The following EFNA5 variants were observed in gnomAD, a reference collection of about 807,000 sequenced individuals.
The protein encoded by EFNA5 is ephrin-A5.
A neutral mutation model predicts 22.9 loss-of-function variants in EFNA5; 5 were observed. The observed-to-expected ratio is 0.22, with a 90% confidence interval of 0.11 to 0.46. EFNA5 has a LOEUF of 0.46. Ranked by LOEUF, EFNA5 falls within the 20% of genes least tolerant of loss-of-function variation. The probability of loss-of-function intolerance (pLI) is 0.99; values close to 1 mark genes in which losing one functional copy is unlikely to be tolerated. For missense variants in EFNA5, 237 were observed against 293.3 expected, an observed-to-expected ratio of 0.81 and a Z score of 1.40; for synonymous variants, 113 against 112.2, an observed-to-expected ratio of 1.01 and a Z score of -0.04.
chr5:107,406,515 A>G (rs779779101), intron 2 of EFNA5, among the ~76,000 whole-genome samples: 14 of 152,046 alleles, frequency 9.2e-5, no homozygotes, highest in Admixed American at 5.2e-4. Flanking sequence ...TCCAATGTTA[A>G]CTATTAGAAA....
At chr5:107,622,127 T>C (rs1291390336) in intron 1 of EFNA5, among the ~76,000 whole-genome samples, 9 of 152,192 alleles carry the variant, frequency 5.9e-5, no homozygotes, top group South Asian at 2.1e-4. Context: ...AGTCTAAATA[T>C]GGGACCTACT....
At chr5:107,616,857 T>C (rs1028014300) in intron 1 of EFNA5, among the ~76,000 whole-genome samples, 1 of 152,172 alleles carries the variant, frequency 6.6e-6, no homozygotes, top group African/African-American at 2.4e-5. Context: ...CAAATATTAA[T>C]TTGAATGAGT....
chr5:107,475,169 T>C (rs1435496732), intron 1 of EFNA5, among the ~76,000 whole-genome samples: 2 of 152,234 alleles, frequency 1.3e-5, no homozygotes, highest in Non-Finnish European at 2.9e-5. Context: ...GCACAGTGAA[T>C]AAACAATCCT....
At chr5:107,640,651 A>C (rs893820748) in intron 1 of EFNA5, among the ~76,000 whole-genome samples, 3 of 152,238 alleles carry the variant, frequency 2.0e-5, no homozygotes, top group African/African-American at 7.2e-5. Flanking sequence ...TCACCAGAGG[A>C]ATACATGGAG....
rs570571381 is a variant in EFNA5, at chr5:107,510,151, G to A, written c.126-82642C>T. Among the ~76,000 whole-genome samples the A allele has an allele frequency of 1.5e-4, 23 of 152,274 alleles. 1 individual carries two copies. Among genetic ancestry groups the A allele is most frequent in the Middle Eastern group, 3.4e-3 (1 of 294 alleles). On this transcript the variant is annotated intron_variant, in intron 1 of 4. Coordinates refer to ENST00000333274, the MANE Select transcript of EFNA5 (RefSeq NM_001962.3). ...GGTAAAGAAGCCAACCAAAATCCAC[G>A]AAAACCAAGATGGCCATGAATGTAA...
intron 1 of EFNA5, among the ~76,000 whole-genome samples, chr5:107,521,439 T>C (rs1269885248): frequency 1.3e-5 from 2 of 149,204 alleles, no homozygotes; most frequent in African/African-American, 5.0e-5. Context: ...ACCACAGGCA[T>C]GTGCCACCAC....
At chr5:107,527,023 A>G (rs2112448355) in intron 1 of EFNA5, among the ~76,000 whole-genome samples, 1 of 152,302 alleles carries the variant, frequency 6.6e-6, no homozygotes, top group South Asian at 2.1e-4. Flanking sequence ...CCAGATTTTT[A>G]CTTTATTTTC....
intron 1 of EFNA5, among the ~76,000 whole-genome samples, chr5:107,564,309 A>G (rs543133668): frequency 3.3e-5 from 5 of 152,120 alleles, no homozygotes; most frequent in Non-Finnish European, 5.9e-5. Context: ...TCCATTCTGC[A>G]TTTTCAAAAT....
At chr5:107,568,222 C>A (rs146322641) in intron 1 of EFNA5, among the ~76,000 whole-genome samples, 1 of 152,290 alleles carries the variant, frequency 6.6e-6, no homozygotes, top group East Asian at 1.9e-4. Flanking sequence ...TACAAACACA[C>A]ATATACCCCT....
At chr5:107,392,482 A>C (rs2088127174) in intron 2 of EFNA5, among the ~76,000 whole-genome samples, 1 of 152,170 alleles carries the variant, frequency 6.6e-6, no homozygotes, top group African/African-American at 2.4e-5. Flanking sequence ...ACCCACAAAG[A>C]ACTGAATTGG....
At chr5:107,652,431 T>C (rs983944419) in intron 1 of EFNA5, among the ~76,000 whole-genome samples, 1 of 152,226 alleles carries the variant, frequency 6.6e-6, no homozygotes, top group Admixed American at 6.5e-5. Context: ...TAGCATTTCA[T>C]GCTTTATTGT....
chr5:107,624,395 T>C (rs1374688368), intron 1 of EFNA5, among the ~76,000 whole-genome samples: 1 of 152,192 alleles, frequency 6.6e-6, no homozygotes, highest in Non-Finnish European at 1.5e-5. Context: ...AAGTTTTAAC[T>C]ATCAGTGCAT....
chr5:107,625,626 C>T (rs1750126288), intron 1 of EFNA5, among the ~76,000 whole-genome samples: 1 of 152,158 alleles, frequency 6.6e-6, no homozygotes, highest in African/African-American at 2.4e-5. Context: ...GTTTAGCAAT[C>T]ATCTAAAATT....
chr5:107,608,988 G>A (rs1300579654), intron 1 of EFNA5, among the ~76,000 whole-genome samples: 1 of 152,106 alleles, frequency 6.6e-6, no homozygotes, highest in African/African-American at 2.4e-5. Context: ...AAAACTTCCT[G>A]GTTGCTCTCT....
intron 1 of EFNA5, among the ~76,000 whole-genome samples, chr5:107,501,223 A>C (rs1414357323): frequency 1.3e-5 from 2 of 152,182 alleles, no homozygotes; most frequent in African/African-American, 4.8e-5. Context: ...ATAGATATTG[A>C]CTCAACTATA....
chr5:107,636,212 C>A (rs921496260), intron 1 of EFNA5, among the ~76,000 whole-genome samples: 1 of 152,144 alleles, frequency 6.6e-6, no homozygotes, highest in South Asian at 2.1e-4. Flanking sequence ...CTAAGACTCT[C>A]CTCAAGAGGT....
intron 1 of EFNA5, among the ~76,000 whole-genome samples, chr5:107,656,628 T>C (rs1750830732): frequency 6.6e-6 from 1 of 151,988 alleles, no homozygotes; most frequent in African/African-American, 2.4e-5. Flanking sequence ...AATCTCTATT[T>C]CCCCCCCAAT....
In EFNA5 at chr5:107,492,867, C is replaced by T. The variant is rs563304111; in HGVS notation, c.126-65358G>A. ...TACAAAAATTAGCAGAGTGTGGTGGCGGGCACCTGTAATCCCAACTATTCA... is the reference window on the plus strand; with the variant it reads ...TACAAAAATTAGCAGAGTGTGGTGGTGGGCACCTGTAATCCCAACTATTCA... On this transcript the variant is annotated intron_variant, in intron 1 of 4. Coordinates refer to ENST00000333274, the MANE Select transcript of EFNA5 (RefSeq NM_001962.3). 5.9e-5 allele frequency among the ~76,000 whole-genome samples: 9 copies of T among 151,946 alleles called. No homozygotes were observed. In the South Asian group the frequency reaches 8.4e-4, roughly 14 times the overall value.
At chr5:107,635,427 G>T (rs1016686749) in intron 1 of EFNA5, among the ~76,000 whole-genome samples, 1 of 152,200 alleles carries the variant, frequency 6.6e-6, no homozygotes, top group Non-Finnish European at 1.5e-5. Flanking sequence ...CAGCGGTTCA[G>T]CAGGACACAG....
Sources: gnomAD v4.1 joint callset for allele counts (sites outside exome capture counted in the v4.1 genomes callset) on GRCh38, gnomAD v4.1.1 for gene constraint, MANE v1.5 for transcripts, NCBI Gene and HGNC (gene_info 2026-07-23, HGNC 2026-07-21) for gene names.